The following PPP4R3A variants were observed in gnomAD, a reference collection of about 807,000 sequenced individuals.
The protein encoded by PPP4R3A is serine/threonine-protein phosphatase 4 regulatory subunit 3A.
PPP4R3A carries 15 observed loss-of-function variants against 91.7 expected under a neutral mutation model. The ratio of observed to expected loss-of-function variants is 0.16; its 90% CI spans 0.11 to 0.25. The LOEUF (loss-of-function observed/expected upper bound fraction) is 0.25, where lower values mean the gene tolerates loss of function less well. Among genes scored for constraint, PPP4R3A ranks in the 10% least tolerant of loss-of-function variants. The pLI is 1.00. For missense variants in PPP4R3A, 623 were observed against 998.4 expected (o/e 0.62, Z 5.07); for synonymous variants, 377 against 348.7 (o/e 1.08, Z -0.91).
chr14:91,473,403 T>G, intron 7 of PPP4R3A, 33 bp from the exon 8 acceptor site: 1 of 1,586,314 alleles, frequency 6.3e-7, no homozygotes, highest in Non-Finnish European at 8.6e-7. Context: ...TCAGGATCAC[T>G]TATTATGAGA....
intron 9 of PPP4R3A, among the ~76,000 whole-genome samples, chr14:91,471,430 G>A (rs1888822864): frequency 6.6e-6 from 1 of 152,146 alleles, no homozygotes; most frequent in African/African-American, 2.4e-5. Context: ...CTTGATTCCA[G>A]TGTGTTTTGT....
rs1297849503 is a variant in PPP4R3A, at chr14:91,462,129, G to C, written c.2084C>G (p.Ala695Gly). Reference sequence around the variant, plus strand: ...AGTTTTGTCAGATGGAGACACTACAGCTTCTCCATCTTCCATGTCATCTTC... The same window carrying C: ...AGTTTTGTCAGATGGAGACACTACACCTTCTCCATCTTCCATGTCATCTTC... ...TDEDDMEDGE[A>G]VVSPSDKTKN... Residue 695 changes from alanine to glycine, a missense_variant, in exon 13 of 15, where the codon GCT (alanine) becomes GGT (glycine). Physicochemically the swap from Ala to Gly is moderately conservative, Grantham distance 60 (BLOSUM62 0). Transcript: ENST00000554943. The C allele has an allele frequency of 9.4e-6, 15 of 1,602,574 alleles. No homozygotes were observed. Among genetic ancestry groups the C allele is most frequent in the African/African-American group, 4.0e-5 (3 of 74,102 alleles).
rs549897323 is a variant in PPP4R3A at position 91,464,312 on chromosome 14, C to T, written c.1830+938G>A. Reference sequence around the variant, plus strand: ...CTTCAGCCTGGGTGACAGAGTGAGACTCTGTCCCCACCCCCCTCCCTCACC... The same window carrying T: ...CTTCAGCCTGGGTGACAGAGTGAGATTCTGTCCCCACCCCCCTCCCTCACC... On this transcript the variant is annotated intron_variant, in intron 11 of 14. Transcript: ENST00000554943. 1.5e-4 allele frequency among the ~76,000 whole-genome samples: 22 copies of T among 151,262 alleles called. No individual in the cohort carries two copies. In the South Asian group the frequency reaches 4.4e-3, roughly 30 times the overall value.
rs536771878 is a variant in PPP4R3A, at chr14:91,473,439, A to G, written c.1267-69T>C. ...GAACGGAAAAAGCAAAAACTAAGAC[A>G]CATACCACAGCATTATACCTAGGCT... On this transcript the variant is annotated intron_variant, in intron 7 of 14. Coordinates refer to ENST00000554943, the MANE Select transcript of PPP4R3A (RefSeq NM_001366432.2). 1.1e-4 allele frequency: 173 copies of G among 1,509,622 alleles called. 4 individuals are homozygous for G. The South Asian group carries it at 2.1e-3, about 18-fold the overall frequency. The allele number at this position is 1,509,622 out of a possible 1,614,324, so 93.5% of individuals were successfully genotyped here. A position where few individuals can be genotyped will look rare whatever the true frequency, so the allele number is the denominator to read the frequency against.
intron 1 of PPP4R3A, among the ~76,000 whole-genome samples, chr14:91,504,460 GGCGTGGTGGCAGGCACCTGTAATGTCA>G (rs1891158509): frequency 6.6e-6 from 1 of 151,948 alleles, no homozygotes; most frequent in South Asian, 2.1e-4. Context: ...AAATTCACCA[GGCGTGGTGGCAGGCACCTGTAATGTCA>G]GCTACTCGTA....
At chr14:91,470,709 A>G in intron 10 of PPP4R3A, 128 bp downstream of exon 10, 4 of 1,012,144 alleles carry the variant, frequency 4.0e-6, no homozygotes, top group Non-Finnish European at 5.8e-6. Flanking sequence ...CTGCATAATC[A>G]GTGGCAGAGC....
chr14:91,472,905 T>A, intron 9 of PPP4R3A, 128 bp downstream of exon 9: 1 of 773,476 alleles, frequency 1.3e-6, no homozygotes, highest in East Asian at 2.5e-5. Flanking sequence ...AGACTACTAC[T>A]TTTTAAAAGG....
chr14:91,496,657 T>C (rs1273705867), intron 1 of PPP4R3A, among the ~76,000 whole-genome samples: 1 of 152,150 alleles, frequency 6.6e-6, no homozygotes, highest in Admixed American at 6.5e-5. Context: ...CTATTCAGGA[T>C]ATTAGAGGGA....
At chr14:91,476,319 G>T in intron 6 of PPP4R3A, 89 bp downstream of exon 6, 2 of 976,242 alleles carry the variant, frequency 2.0e-6, no homozygotes, top group Non-Finnish European at 3.2e-6. Flanking sequence ...TCAAATATTG[G>T]CTATAATAGA....
chr14:91,504,871 G>A (rs752246060), intron 1 of PPP4R3A, among the ~76,000 whole-genome samples: 2 of 152,068 alleles, frequency 1.3e-5, no homozygotes, highest in African/African-American at 2.4e-5. Context: ...ATTTTTAGAC[G>A]AGCATATAAG....
intron 2 of PPP4R3A, among the ~76,000 whole-genome samples, chr14:91,486,462 G>C (rs1278869658): frequency 2.0e-5 from 3 of 152,086 alleles, no homozygotes; most frequent in African/African-American, 7.2e-5. Flanking sequence ...ATGAGCCACA[G>C]TGCCTGGCCA....
intron 12 of PPP4R3A, among the ~76,000 whole-genome samples, 197 bp downstream of exon 12, chr14:91,462,538 G>A (rs1888225207): frequency 7.0e-6 from 1 of 143,776 alleles, no homozygotes; most frequent in African/African-American, 2.6e-5. Flanking sequence ...CCTGATACAT[G>A]CCTGAGGTAT....
At chr14:91,507,254 G>A (rs543070834) in intron 1 of PPP4R3A, among the ~76,000 whole-genome samples, 12 of 150,564 alleles carry the variant, frequency 8.0e-5, no homozygotes, top group African/African-American at 2.9e-4. Context: ...TCAGGAGATG[G>A]AGGTTGCAGT....
At chr14:91,486,707 T>G (rs1290413771) in intron 2 of PPP4R3A, among the ~76,000 whole-genome samples, 1 of 147,972 alleles carries the variant, frequency 6.8e-6, no homozygotes, top group Admixed American at 6.7e-5. Flanking sequence ...AGGTCAGGAG[T>G]TTGAGGTCAG....
intron 1 of PPP4R3A, among the ~76,000 whole-genome samples, chr14:91,495,571 T>C (rs1890506516): frequency 6.6e-6 from 1 of 152,056 alleles, no homozygotes; most frequent in Admixed American, 6.5e-5. Context: ...ATGATTTTTT[T>C]CAGAGGAGAC....
At position 91,470,975 on chromosome 14, in the gene PPP4R3A, G is replaced by C. The variant is rs533898148; in HGVS notation, c.1522C>G (p.Leu508Val). The C allele has an allele frequency of 6.3e-7, 1 of 1,596,020 alleles. No homozygotes were observed. The highest frequency in any genetic ancestry group is 1.4e-5 in the African/African-American group (1 of 73,954). Residue 508 changes from leucine to valine, a missense_variant, in exon 10 of 15, where the codon CTA becomes GTA. Leu to Val is a conservative substitution (Grantham distance 32). Coordinates refer to ENST00000554943, the MANE Select transcript of PPP4R3A (RefSeq NM_001366432.2). ...PSKDDFQTAQ[L>V]LALVLELLTF... ...AACAATTCCAATACAAGTGCCAATA[G>C]TTGGGCAGTCTGAAAATCATCTAAA...
chr14:91,488,741 T>C (rs1352768026), intron 2 of PPP4R3A, among the ~76,000 whole-genome samples: 3 of 152,098 alleles, frequency 2.0e-5, no homozygotes, highest in East Asian at 3.8e-4. Context: ...ATGAAAATAC[T>C]AAGAAATTTA....
chr14:91,493,943 T>C (rs867954159), intron 1 of PPP4R3A, among the ~76,000 whole-genome samples: 1 of 150,286 alleles, frequency 6.7e-6, no homozygotes, highest in African/African-American at 2.5e-5. Context: ...TTTGTATTTT[T>C]AGTAGAGACA....
chr14:91,490,487 T>C (rs542006175), intron 2 of PPP4R3A, among the ~76,000 whole-genome samples: 68 of 152,276 alleles, frequency 4.5e-4, no homozygotes, highest in Non-Finnish European at 4.4e-5. Flanking sequence ...ACCTTTTTTT[T>C]TTAGGTAAAA....
Sources: allele counts gnomAD v4.1 joint callset (sites outside exome capture counted in the v4.1 genomes callset), GRCh38; gene constraint gnomAD v4.1.1; transcripts MANE v1.5; gene names NCBI Gene and HGNC (gene_info 2026-07-23, HGNC 2026-07-21).